Variants in ABCA3 observed in about 807,000 individuals in gnomAD.
ABCA3 encodes ATP binding cassette subfamily A member 3.
Under a neutral mutation model 172.8 loss-of-function variants are expected in ABCA3, and 88 were observed. The ratio of observed to expected loss-of-function variants is 0.51; its 90% CI spans 0.43 to 0.61. The LOEUF (loss-of-function observed/expected upper bound fraction) is 0.61, where lower values mean the gene tolerates loss of function less well. Ranked by LOEUF, ABCA3 falls within the 20% of genes least tolerant of loss-of-function variation. The pLI, the probability that ABCA3 is intolerant of heterozygous loss-of-function variation, is 0.00. For missense variants in ABCA3, 2,164 were observed against 2,301.0 expected, an observed-to-expected ratio of 0.94 and a Z score of 1.22; for synonymous variants, 1,066 against 983.8, an observed-to-expected ratio of 1.08 and a Z score of -1.56.
intron 12 of ABCA3, among the ~76,000 whole-genome samples, chr16:2,303,463 G>A (rs968709905): frequency 1.3e-5 from 2 of 151,504 alleles, no homozygotes; most frequent in East Asian, 3.9e-4. Flanking sequence ...GTGGAGATGG[G>A]ATTTCACCTT....
chr16:2,333,769 A>C (rs1596872195), intron 1 of ABCA3, among the ~76,000 whole-genome samples: 1 of 151,234 alleles, frequency 6.6e-6, no homozygotes, highest in Admixed American at 6.6e-5. Context: ...GCTCACTGCA[A>C]CCTCCGCCTC....
chr16:2,333,730 C>T (rs1321122756), intron 1 of ABCA3, among the ~76,000 whole-genome samples: 4 of 151,256 alleles, frequency 2.6e-5, no homozygotes, highest in Admixed American at 2.6e-4. Flanking sequence ...ACTCTGTTGC[C>T]CAGGCTGGAC....
intron 10 of ABCA3, 21 bp from the exon 11 acceptor site, chr16:2,308,644 G>C: frequency 6.2e-7 from 1 of 1,612,544 alleles, no homozygotes; most frequent in Non-Finnish European, 8.5e-7. Flanking sequence ...TGGAAGACCC[G>C]GGGGGCGTGA....
Position 2,292,169 on chromosome 16 carries a change from G to T in ABCA3, c.2484C>A (p.Ser828=). Residue 828 remains serine, a synonymous_variant, in exon 19 of 33, where the codon TCC becomes TCA. Coordinates refer to ENST00000301732, the MANE Select transcript of ABCA3 (RefSeq NM_001089.3). Reference sequence around the variant, plus strand: ...GGAAGACTTCCTCCATGGTGGTGATGGATGCCCCAAAGCTGGCAATGCCCA... The same window carrying T: ...GGAAGACTTCCTCCATGGTGGTGATTGATGCCCCAAAGCTGGCAATGCCCA... ...KELGIASFGA[S]ITTMEEVFLR... 6.2e-7 allele frequency: 1 copy of T among 1,613,958 alleles called. No homozygotes were observed. The highest frequency in any genetic ancestry group is 1.1e-5 in the South Asian group (1 of 91,080).
Position 2,298,367 on chromosome 16 carries a change from C to G in ABCA3, c.1896+19G>C, listed in dbSNP as rs1308378273. ...ACATCAGTGGAAACACCCCTGCACACCCCTGGCCCCCAACTCACCTGGGCG... is the reference window on the plus strand; with the variant it reads ...ACATCAGTGGAAACACCCCTGCACAGCCCTGGCCCCCAACTCACCTGGGCG... On this transcript the variant is annotated intron_variant, in intron 15 of 32. Coordinates refer to ENST00000301732, the MANE Select transcript of ABCA3 (RefSeq NM_001089.3). 6.2e-7 allele frequency: 1 copy of G among 1,614,002 alleles called. No homozygotes were observed. Among genetic ancestry groups the G allele is most frequent in the Non-Finnish European group, 8.5e-7 (1 of 1,179,988 alleles).
chr16:2,339,959 C>T (rs1273618074), intron 1 of ABCA3, among the ~76,000 whole-genome samples: 1 of 152,262 alleles, frequency 6.6e-6, no homozygotes. Flanking sequence ...CAAGCCCCTC[C>T]GCCTGGACTA....
intron 11 of ABCA3, 81 bp from the exon 12 acceptor site, chr16:2,304,231 G>A: frequency 6.7e-7 from 1 of 1,492,852 alleles, no homozygotes; most frequent in Non-Finnish European, 9.3e-7. Flanking sequence ...TGGCACACGT[G>A]TGCACATTTG....
Position 2,317,683 on chromosome 16 carries a change from C to G in ABCA3, c.955G>C (p.Ala319Pro). Residue 319 changes from alanine (A) to proline (P), a missense_variant, in exon 9 of 33, where the codon GCC (alanine) becomes CCC (proline). Physicochemically the swap from Ala to Pro is conservative, Grantham distance 27. Coordinates refer to ENST00000301732, the MANE Select transcript of ABCA3 (RefSeq NM_001089.3). ...FLLFFLFLLI[A>P]ASFMTLLFCV... The stretch of plus-strand genomic sequence containing the variant: ...AAGAGCAGGGTCATGAAGGAGGCGG[C>G]GATGAGGAGGAAGAGGAAGAACAAG... 1 of 1,614,176 alleles carries G rather than the reference C, an allele frequency of 6.2e-7. No homozygotes were observed. The highest frequency in any genetic ancestry group is 8.5e-7 in the Non-Finnish European group (1 of 1,180,002).
rs763384271 is a variant in ABCA3, at chr16:2,278,479, G to A, written c.4548-21C>T. 1 of 1,608,908 alleles carries A rather than the reference G, an allele frequency of 6.2e-7. No individual in the cohort carries two copies. Among genetic ancestry groups the A allele is most frequent in the Non-Finnish European group, 8.5e-7 (1 of 1,179,938 alleles). On this transcript the variant is annotated intron_variant, in intron 29 of 32. Coordinates refer to ENST00000301732, the MANE Select transcript of ABCA3 (RefSeq NM_001089.3). The surrounding 1 kb of genome is among the most constrained non-coding windows in gnomAD (Gnocchi z 4.4). Reference sequence around the variant, plus strand: ...CACCACTAGAGGCAGGAGGGTGCCAGGTGGGGGAATAAGGCTGAGAGTTAG... The same window carrying A: ...CACCACTAGAGGCAGGAGGGTGCCAAGTGGGGGAATAAGGCTGAGAGTTAG...
At chr16:2,306,278 T>A (rs1305250141) in intron 11 of ABCA3, among the ~76,000 whole-genome samples, 1 of 152,060 alleles carries the variant, frequency 6.6e-6, no homozygotes, top group Non-Finnish European at 1.5e-5. Flanking sequence ...TGAGCTATTA[T>A]CATGCTACTG....
intron 10 of ABCA3, among the ~76,000 whole-genome samples, chr16:2,309,604 A>G (rs2093703338): frequency 6.6e-6 from 1 of 152,016 alleles, no homozygotes. Context: ...CAGTGCTCAA[A>G]CTGTTTGGTT....
Position 2,297,286 on chromosome 16 carries a change from A to T in ABCA3, c.2263+43T>A, listed in dbSNP as rs773229094. On this transcript the variant is annotated intron_variant, in intron 17 of 32. Transcript: ENST00000301732. The surrounding 1 kb of genome is among the most constrained non-coding windows in gnomAD (Gnocchi z 5.6). ...GTAGCAGCCATTCCCTCAGCACGGC[A>T]GCCAGGACACCGACCCTGTCGCGGG... 6.3e-6 allele frequency: 10 copies of T among 1,598,368 alleles called. No individual in the cohort carries two copies. The highest frequency in any genetic ancestry group is 8.5e-6 in the Non-Finnish European group (10 of 1,174,278).
chr16:2,319,796 G>A lies in ABCA3; in HGVS notation c.658C>T (p.Arg220Trp), dbSNP rs199797218. The A allele has an allele frequency of 1.3e-5, 21 of 1,613,876 alleles. No homozygotes were observed. Among genetic ancestry groups the A allele is most frequent in the South Asian group, 4.4e-5 (4 of 91,090 alleles). ...TCGGCATGGTACTCCATGATGGCCC[G>A]GTCCACAGCATGCTGCACGGCCAGG... ...GFLAVQHAVDRAIMEYHADAA... is the reference protein window; with the variant it reads ...GFLAVQHAVDWAIMEYHADAA... Residue 220 changes from arginine to tryptophan, a missense_variant, in exon 8 of 33, where the codon CGG (arginine) becomes TGG (tryptophan). By Grantham distance (101) the Arg-to-Trp change is moderately radical. Transcript: ENST00000301732.
intron 19 of ABCA3, among the ~76,000 whole-genome samples, chr16:2,290,075 G>A (rs2141700106): frequency 6.6e-6 from 1 of 151,764 alleles, no homozygotes; most frequent in South Asian, 2.1e-4. Context: ...CCCCCGGCTG[G>A]CTTAGCAACA....
chr16:2,289,972 C>T (rs1473447423), intron 19 of ABCA3, among the ~76,000 whole-genome samples: 2 of 150,354 alleles, frequency 1.3e-5, no homozygotes, highest in Non-Finnish European at 3.0e-5. Context: ...CACACACACA[C>T]ACACACACAC....
intron 15 of ABCA3, 42 bp downstream of exon 15, chr16:2,298,344 A>T: frequency 6.2e-7 from 1 of 1,613,158 alleles, no homozygotes; most frequent in African/African-American, 1.3e-5. Flanking sequence ...ACTCGAGCAC[A>T]TCAGTGGAAA....
chr16:2,278,338 G>T lies in ABCA3; in HGVS notation c.4668C>A (p.Thr1556=). The T allele has an allele frequency of 6.2e-7, 1 of 1,611,366 alleles. No individual in the cohort carries two copies. The part of the protein sequence containing the change: ...DPVARRLLWD[T]VARARESGKA... Reference sequence around the variant, plus strand: ...TGCCAGACTCTCGGGCTCGTGCCACGGTGTCCCAAAGCAGGCGCCGGGCCA... The same window carrying T: ...TGCCAGACTCTCGGGCTCGTGCCACTGTGTCCCAAAGCAGGCGCCGGGCCA... The change falls in exon 30 of 33, where the codon ACC becomes ACA. Residue 1556 remains threonine (T), a synonymous_variant. Transcript: ENST00000301732. The surrounding 1 kb of genome is among the most constrained non-coding windows in gnomAD (Gnocchi z 4.4).
intron 18 of ABCA3, among the ~76,000 whole-genome samples, chr16:2,292,909 C>A (rs987206627): frequency 6.6e-6 from 1 of 152,020 alleles, no homozygotes; most frequent in African/African-American, 2.4e-5. Flanking sequence ...GAGCTGAGAT[C>A]GCACCACTGG....
intron 12 of ABCA3, among the ~76,000 whole-genome samples, chr16:2,300,807 G>A (rs1441517538): frequency 2.6e-5 from 4 of 152,176 alleles, no homozygotes; most frequent in South Asian, 2.1e-4. Flanking sequence ...GGGCAGCTGC[G>A]GGGCGGGGAC....
Sources: allele counts gnomAD v4.1 joint callset (sites outside exome capture counted in the v4.1 genomes callset), GRCh38; gene constraint gnomAD v4.1.1; non-coding constraint Gnocchi (gnomAD v3.1); transcripts MANE v1.5; gene names NCBI Gene and HGNC (gene_info 2026-07-23, HGNC 2026-07-21).